The following MCF2L variants were observed in gnomAD, a reference collection of about 807,000 sequenced individuals.
MCF2L encodes the protein MCF.2 cell line derived transforming sequence like.
A neutral mutation model predicts 153.4 loss-of-function variants in MCF2L; 97 were observed. The observed-to-expected ratio is 0.63, with a 90% CI of 0.54 to 0.75. The LOEUF (loss-of-function observed/expected upper bound fraction) is 0.75, where lower values mean the gene tolerates loss of function less well. Ranked by LOEUF, MCF2L falls within the 30% of genes least tolerant of loss-of-function variation. The pLI, the probability that MCF2L is intolerant of heterozygous loss-of-function variation, is 0.00. For missense variants in MCF2L, 1,347 were observed against 1,495.2 expected (o/e 0.90, Z 1.64); for synonymous variants, 659 against 632.2 (o/e 1.04, Z -0.64).
chr13:113,002,230 C>T (rs2083424488), intron 1 of MCF2L, among the ~76,000 whole-genome samples: 1 of 152,188 alleles, frequency 6.6e-6, no homozygotes, highest in South Asian at 2.1e-4. Context: ...AGGGCCATGG[C>T]CCTGGGGTCC....
At chr13:112,993,000 C>T (rs570876540) in intron 1 of MCF2L, among the ~76,000 whole-genome samples, 4 of 152,256 alleles carry the variant, frequency 2.6e-5, no homozygotes, top group Non-Finnish European at 4.4e-5. Context: ...CTCTGCCAAA[C>T]GTGCGCGGGC....
intron 26 of MCF2L, among the ~76,000 whole-genome samples, chr13:113,091,907 C>T (rs1450005128): frequency 6.6e-6 from 1 of 152,206 alleles, no homozygotes; most frequent in African/African-American, 2.4e-5. Flanking sequence ...TCCCATTCCG[C>T]CCGCCTCCAC....
In MCF2L at chr13:113,035,427, C is replaced by T. The variant is rs557777046; in HGVS notation, c.279-9844C>T. Among the ~76,000 whole-genome samples the T allele has an allele frequency of 6.6e-6, 1 of 152,164 alleles. No individual in the cohort carries two copies. The highest frequency in any genetic ancestry group is 1.5e-5 in the Non-Finnish European group (1 of 68,040). On this transcript the variant is annotated intron_variant, in intron 3 of 29. Transcript: ENST00000535094. The surrounding 1 kb of genome is among the most constrained non-coding windows in gnomAD (Gnocchi z 4.4). ...AGACTTCCTTGGCGGGAAACCAGGT[C>T]CTCTGACCTCACCCGGCTCTGCAGT...
In MCF2L at chr13:112,969,367, G is replaced by A. The variant is rs2081965273; in HGVS notation, c.-13G>A. The A allele has an allele frequency of 1.3e-6, 2 of 1,550,144 alleles. No homozygotes were observed. Among genetic ancestry groups the A allele is most frequent in the South Asian group, 2.4e-5 (2 of 84,038 alleles). ...AAGCGGATCTGCCAGGATCATTTTT[G>A]TTGTGTCGGAGGATGAGGTTTTGGC... is the stretch of plus-strand genomic sequence containing the variant. On this transcript the variant is annotated 5_prime_UTR_variant, in exon 1 of 30. Coordinates refer to ENST00000535094, the MANE Select transcript of MCF2L (RefSeq NM_001112732.3). The surrounding 1 kb of genome is among the most constrained non-coding windows in gnomAD (Gnocchi z 4.8).
rs1195847544 is a variant in MCF2L, at chr13:112,932,203, G to A, written c.169+29832G>A. Among the ~76,000 whole-genome samples the A allele has an allele frequency of 6.6e-5, 10 of 152,144 alleles. No homozygotes were observed. Among genetic ancestry groups the A allele is most frequent in the Admixed American group, 6.5e-4 (10 of 15,272 alleles). ...CGAGGTCAGCACCGATGGCGACCAG[G>A]CGTGTAGACTCGTGCCCTGGGTAAG... On this transcript the variant is annotated intron_variant, in intron 2 of 29. Transcript: ENST00000375608. This position sits in a 1 kb window ranked among gnomAD's most constrained non-coding sequence, Gnocchi z 4.6.
upstream of MCF2L, chr13:112,968,529 G>C (rs1478326598): frequency 5.1e-6 from 8 of 1,564,378 alleles, no homozygotes; most frequent in Admixed American, 1.3e-4. Flanking sequence ...TGCGTCCTTG[G>C]GCAGGCGATG....
At chr13:113,088,246 G>T in intron 23 of MCF2L, 81 bp from the exon 24 acceptor site, 2 of 1,180,020 alleles carry the variant, frequency 1.7e-6, no homozygotes, top group Non-Finnish European at 2.5e-6. Flanking sequence ...GATTATCTTT[G>T]GATGTTCCGA....
intron 2 of MCF2L, chr13:112,917,239 C>A (rs903744165): frequency 8.6e-6 from 4 of 465,888 alleles, no homozygotes; most frequent in East Asian, 6.9e-5. Flanking sequence ...CCTCCACCCG[C>A]ATCCTACAGG....
intron 4 of MCF2L, among the ~76,000 whole-genome samples, chr13:113,047,841 C>G (rs2086916065): frequency 1.1e-5 from 1 of 93,290 alleles, no homozygotes; most frequent in Non-Finnish European, 2.3e-5. Context: ...CGTGCCCTGT[C>G]CCCTCTGCTC....
At chr13:112,923,154 CAT>C (rs1173188209) in intron 2 of MCF2L, among the ~76,000 whole-genome samples, 14 of 151,774 alleles carry the variant, frequency 9.2e-5, no homozygotes, top group South Asian at 4.2e-4. Context: ...TTTCTTCTCT[CAT>C]GTGTGCATAT....
chr13:113,099,379 T>C lies in MCF2L; in HGVS notation c.*2520T>C, dbSNP rs1237323431. ...AGATCATTGAAACACTGTTTGGCAA[T>C]TTAAAAGCTTGTTTCTAACTCACGG... On this transcript the variant is annotated 3_prime_UTR_variant, in exon 30 of 30. Transcript: ENST00000535094. 7 of 152,188 alleles carry C rather than the reference T, an allele frequency of 4.6e-5. No individual in the cohort carries two copies. Among genetic ancestry groups the C allele is most frequent in the African/African-American group, 1.7e-4 (7 of 41,442 alleles). The allele number at this position is 152,188 out of a possible 1,614,324, so 9.4% of individuals were successfully genotyped here.
At chr13:112,980,244 A>G (rs2082360848) in intron 1 of MCF2L, among the ~76,000 whole-genome samples, 1 of 152,248 alleles carries the variant, frequency 6.6e-6, no homozygotes, top group African/African-American at 2.4e-5. Context: ...GGAACAGCCT[A>G]AACTCTCACA....
intron 16 of MCF2L, 135 bp from the exon 17 acceptor site, chr13:113,082,292 C>T (rs1427476209): frequency 1.6e-5 from 10 of 630,964 alleles, no homozygotes; most frequent in African/African-American, 9.1e-5. Context: ...ATGCCTGTCC[C>T]GGTAACTTAG....
chr13:112,953,690 G>T (rs774382763), intron 2 of MCF2L, among the ~76,000 whole-genome samples: 5 of 152,208 alleles, frequency 3.3e-5, no homozygotes, highest in African/African-American at 7.2e-5. Context: ...AGCTGACCTG[G>T]GTTCCCAGCC....
Position 113,085,183 on chromosome 13 carries a change from G to C in MCF2L, c.2247+5G>C, listed in dbSNP as rs756401151. ...AAGTACCAGCTGCTGCTCAAGGTGG[G>C]CTCCGCGGTGACCGTGGCCCGGCCT... On this transcript the variant is annotated splice_donor_5th_base_variant and intron_variant, in intron 20 of 29. Transcript: ENST00000535094. 1 of 1,612,448 alleles carries C rather than the reference G, an allele frequency of 6.2e-7. No homozygotes were observed. Among genetic ancestry groups the C allele is most frequent in the Non-Finnish European group, 8.5e-7 (1 of 1,179,652 alleles).
chr13:113,033,228 CCG>C (rs1237155597), intron 3 of MCF2L, among the ~76,000 whole-genome samples: 10 of 150,198 alleles, frequency 6.7e-5, no homozygotes, highest in African/African-American at 9.9e-5. Flanking sequence ...TGAGTGGCCC[CCG>C]TGACGTGAGT....
At chr13:112,926,286 TGCTGCATGGCCTGGTCTACGTACACAGC>T (rs2081402436) in intron 2 of MCF2L, among the ~76,000 whole-genome samples, 1 of 104,004 alleles carries the variant, frequency 9.6e-6, no homozygotes, top group East Asian at 2.8e-4. Flanking sequence ...CACAGCGGAG[TGCTGCATGGCCTGGTCTACGTACACAGC>T]GGAGTGCAGT....
intron 2 of MCF2L, among the ~76,000 whole-genome samples, chr13:112,946,387 G>T (rs923274070): frequency 2.2e-4 from 34 of 152,162 alleles, no homozygotes; most frequent in African/African-American, 6.3e-4. Context: ...TGTGGTAAAC[G>T]TATTGCTTTG....
rs199856433 is a variant in MCF2L, at chr13:113,076,014, G to A, written c.1357G>A (p.Val453Met). 8 of 1,613,788 alleles carry A rather than the reference G, an allele frequency of 5.0e-6. No individual in the cohort carries two copies. The East Asian group carries it at 1.8e-4, about 36-fold the overall frequency. ...GATTTACCTGCTGGCCTCACAACCT[G>A]TGGACAAGTGCCAGTCCCAGGACGG... is the stretch of plus-strand genomic sequence containing the variant. ...EGIYLLASQPVDKCQSQDGAE... is the reference protein window; with the variant it reads ...EGIYLLASQPMDKCQSQDGAE... The change falls in exon 12 of 30, where the codon GTG (valine) becomes ATG (methionine). Residue 453 changes from valine (V) to methionine (M), a missense_variant. Val to Met is a conservative substitution (Grantham distance 21). Transcript: ENST00000535094.
Sources: gnomAD v4.1 joint callset for allele counts (sites outside exome capture counted in the v4.1 genomes callset) on GRCh38, gnomAD v4.1.1 for gene constraint, Gnocchi (gnomAD v3.1) non-coding constraint, MANE v1.5 for transcripts, NCBI Gene and HGNC (gene_info 2026-07-23, HGNC 2026-07-21) for gene names.